Variants in FBXO4 observed in about 807,000 individuals in gnomAD.
FBXO4 encodes F-box protein 4, also known as F-box only protein 4.
A neutral mutation model predicts 43.7 loss-of-function variants in FBXO4; 36 were observed. The observed-to-expected ratio is 0.82, with a 90% confidence interval of 0.63 to 1.09. The LOEUF (loss-of-function observed/expected upper bound fraction) is 1.09, where lower values mean the gene tolerates loss of function less well. Ranked by LOEUF, FBXO4 falls within the 50% of genes least tolerant of loss-of-function variation. FBXO4 has a pLI of 0.00. For synonymous variants in FBXO4, 180 were observed against 165.6 expected (o/e 1.09, Z -0.67); for missense variants, 435 against 474.1 (o/e 0.92, Z 0.77).
the FBXO4 span, among the ~76,000 whole-genome samples, chr5:42,038,830 T>C: frequency 6.6e-6 from 1 of 152,056 alleles, no homozygotes; most frequent in African/African-American, 2.4e-5. Context: ...ATTCATTTTT[T>C]AAAGCTCCCA....
the FBXO4 span, among the ~76,000 whole-genome samples, chr5:42,026,138 C>T: frequency 6.6e-6 from 1 of 151,706 alleles, no homozygotes. Flanking sequence ...GTTTTATGGG[C>T]ATTTTAAGAT....
chr5:41,992,510 C>T, the FBXO4 span, among the ~76,000 whole-genome samples: 1 of 152,160 alleles, frequency 6.6e-6, no homozygotes, highest in East Asian at 1.9e-4. Context: ...CTTATCCAAA[C>T]TTATAATCCC....
At chr5:41,949,390 G>A in the FBXO4 span, among the ~76,000 whole-genome samples, 1 of 152,144 alleles carries the variant, frequency 6.6e-6, no homozygotes, top group Non-Finnish European at 1.5e-5. Flanking sequence ...CAAAATCAAT[G>A]TGCAAAAATC....
At chr5:42,029,643 A>T in the FBXO4 span, among the ~76,000 whole-genome samples, 1 of 150,802 alleles carries the variant, frequency 6.6e-6, no homozygotes, top group African/African-American at 2.4e-5. Context: ...TTATTTTTTT[A>T]TTTTTTCTTT....
At chr5:41,934,092 T>C (rs1418401705) in intron 4 of FBXO4, 41 bp from the exon 5 acceptor site, 1 of 1,612,306 alleles carries the variant, frequency 6.2e-7, no homozygotes, top group Admixed American at 1.7e-5. Flanking sequence ...GGAGCCTGTT[T>C]AGTGTCTTTT....
the FBXO4 span, among the ~76,000 whole-genome samples, chr5:41,993,618 G>GATATATATATAT: frequency 3.5e-3 from 478 of 136,636 alleles, 4 homozygotes; most frequent in African/African-American, 0.011. Flanking sequence ...GAACTAATAG[G>GATATATATATAT]ATATATATAT....
chr5:42,008,833 C>T, the FBXO4 span, among the ~76,000 whole-genome samples: 110 of 152,240 alleles, frequency 7.2e-4, no homozygotes, highest in African/African-American at 2.5e-3. Context: ...TGTTCCAACA[C>T]TGTCCCAGGT....
Position 41,934,294 on chromosome 5 carries a change from C to G in FBXO4, c.884C>G (p.Ala295Gly), listed in dbSNP as rs1299722583. The G allele has an allele frequency of 1.2e-6, 2 of 1,613,968 alleles. No homozygotes were observed. Among genetic ancestry groups the G allele is most frequent in the Admixed American group, 1.7e-5 (1 of 60,002 alleles). ...GATGGGTTCATCTATGTTGCAAATG[C>G]TGAAGCTCATAAAAGTAAGTACTCA... ...VVDGFIYVANAEAHKRHEWQD... is the reference protein window; with the variant it reads ...VVDGFIYVANGEAHKRHEWQD... Residue 295 changes from alanine to glycine, a missense_variant, in exon 5 of 7, where the codon GCT becomes GGT. By Grantham distance (60) the Ala-to-Gly change is moderately conservative (BLOSUM62 0). Coordinates refer to ENST00000281623, the MANE Select transcript of FBXO4 (RefSeq NM_012176.3).
At chr5:41,986,684 C>T in the FBXO4 span, among the ~76,000 whole-genome samples, 6 of 152,172 alleles carry the variant, frequency 3.9e-5, no homozygotes, top group African/African-American at 7.2e-5. Context: ...CAAGTGCTAA[C>T]CTGAGGCAAG....
the FBXO4 span, among the ~76,000 whole-genome samples, chr5:42,011,191 G>A: frequency 6.6e-6 from 1 of 152,196 alleles, no homozygotes; most frequent in East Asian, 1.9e-4. Flanking sequence ...AAAAATTCAT[G>A]TTGAAATTTG....
the FBXO4 span, among the ~76,000 whole-genome samples, chr5:41,977,770 C>A: frequency 1.3e-5 from 2 of 152,260 alleles, no homozygotes; most frequent in African/African-American, 4.8e-5. Flanking sequence ...ATTTTGGTTA[C>A]AATGATTTAA....
At chr5:41,948,137 CTT>C in the FBXO4 span, among the ~76,000 whole-genome samples, 23 of 137,952 alleles carry the variant, frequency 1.7e-4, no homozygotes, top group Admixed American at 2.9e-4. Context: ...TGGCTACAAT[CTT>C]TTTTTTTTTT....
the FBXO4 span, among the ~76,000 whole-genome samples, chr5:41,962,494 A>G: frequency 6.6e-6 from 1 of 152,154 alleles, no homozygotes; most frequent in East Asian, 1.9e-4. Flanking sequence ...AGTTTATCTT[A>G]GCTTTCCTGC....
At chr5:41,966,849 G>T in the FBXO4 span, among the ~76,000 whole-genome samples, 3 of 152,112 alleles carry the variant, frequency 2.0e-5, no homozygotes, top group Non-Finnish European at 4.4e-5. Context: ...AACAGAGGTG[G>T]CTTGACAAAG....
chr5:42,012,546 T>A, the FBXO4 span, among the ~76,000 whole-genome samples: 25 of 152,142 alleles, frequency 1.6e-4, no homozygotes, highest in Non-Finnish European at 3.4e-4. Flanking sequence ...ACAATCATTA[T>A]AAAGTTTTTG....
the FBXO4 span, among the ~76,000 whole-genome samples, chr5:42,030,810 C>T: frequency 1.3e-5 from 2 of 152,182 alleles, no homozygotes; most frequent in African/African-American, 4.8e-5. Context: ...TATGAACAGA[C>T]ACTTCTCAAA....
downstream of FBXO4, among the ~76,000 whole-genome samples, chr5:41,945,485 T>C (rs1752063905): frequency 6.6e-6 from 1 of 152,174 alleles, no homozygotes; most frequent in South Asian, 2.1e-4. Flanking sequence ...AATACAAAAT[T>C]GCATGCAGGG....
chr5:42,000,327 G>A, the FBXO4 span, among the ~76,000 whole-genome samples: 2 of 152,132 alleles, frequency 1.3e-5, no homozygotes, highest in African/African-American at 2.4e-5. Context: ...GATACTGATT[G>A]CATTTCATTT....
chr5:42,000,702 C>T, the FBXO4 span, among the ~76,000 whole-genome samples: 3 of 152,048 alleles, frequency 2.0e-5, no homozygotes, highest in African/African-American at 7.2e-5. Context: ...CTTATGTGTT[C>T]TTCTACTTGT....
Sources: gnomAD v4.1 joint callset for allele counts (sites outside exome capture counted in the v4.1 genomes callset) on GRCh38, gnomAD v4.1.1 for gene constraint, MANE v1.5 for transcripts, NCBI Gene and HGNC (gene_info 2026-07-23, HGNC 2026-07-21) for gene names.